The following MTUS2 variants were observed in gnomAD, a reference collection of about 807,000 sequenced individuals.
MTUS2 encodes the protein microtubule-associated tumor suppressor candidate 2.
Under a neutral mutation model 114.1 loss-of-function variants are expected in MTUS2, and 40 were observed. That is an observed-to-expected ratio of 0.35 (90% CI 0.27 to 0.46). The LOEUF (loss-of-function observed/expected upper bound fraction) is 0.46. MTUS2 is among the 20% of genes least tolerant of loss of function. The probability of loss-of-function intolerance (pLI) is 1.00; values close to 1 mark genes in which losing one functional copy is unlikely to be tolerated. For synonymous variants in MTUS2, 688 were observed against 672.0 expected, an observed-to-expected ratio of 1.02 and a Z score of -0.37; for missense variants, 1,679 against 1,705.4, an observed-to-expected ratio of 0.98 and a Z score of 0.27.
chr13:28,840,028 T>TC, intron 2 of MTUS2, among the ~76,000 whole-genome samples, 178 bp downstream of exon 2: 1 of 117,956 alleles, frequency 8.5e-6, no homozygotes, highest in Middle Eastern at 4.3e-3. Flanking sequence ...TATGAAAGCT[T>TC]AATTTTTTTT....
intron 2 of MTUS2, among the ~76,000 whole-genome samples, chr13:28,950,820 A>AATTCTCAC (rs1466593585): frequency 6.6e-6 from 1 of 152,238 alleles, no homozygotes; most frequent in Non-Finnish European, 1.5e-5. Context: ...AGAATTATCA[A>AATTCTCAC]AATGTGACAT....
At chr13:28,934,007 A>G (rs373184868) in intron 2 of MTUS2, among the ~76,000 whole-genome samples, 1 of 152,260 alleles carries the variant, frequency 6.6e-6, no homozygotes, top group African/African-American at 2.4e-5. Flanking sequence ...TAATTGCAAC[A>G]AATTCTGAAG....
intron 5 of MTUS2, among the ~76,000 whole-genome samples, chr13:29,261,658 A>G (rs1897475809): frequency 6.6e-6 from 1 of 152,214 alleles, no homozygotes; most frequent in Non-Finnish European, 1.5e-5. Flanking sequence ...ATTTTATACC[A>G]TATTAATAAC....
chr13:29,326,046 G>A lies in MTUS2; in HGVS notation c.2905+1335G>A, dbSNP rs141853037. Among the ~76,000 whole-genome samples, 41 of 152,308 alleles carry A rather than the reference G, an allele frequency of 2.7e-4. No homozygotes were observed. The East Asian group carries it at 4.8e-3, about 18-fold the overall frequency. On this transcript the variant is annotated intron_variant, in intron 7 of 15. Transcript: ENST00000612955. Reference sequence around the variant, plus strand: ...GTAAATGTGAAGGACAGGAGACAAAGCCTGGTAATTGGGTGAGAGATCTGA... The same window carrying A: ...GTAAATGTGAAGGACAGGAGACAAAACCTGGTAATTGGGTGAGAGATCTGA...
chr13:29,327,375 C>T (rs1374283588), intron 7 of MTUS2, among the ~76,000 whole-genome samples: 1 of 152,066 alleles, frequency 6.6e-6, no homozygotes, highest in East Asian at 1.9e-4. Flanking sequence ...TCCTGGGACC[C>T]CTTTGTCATA....
chr13:29,335,086 C>T lies in MTUS2; in HGVS notation c.2905+10375C>T, dbSNP rs376124410. Among the ~76,000 whole-genome samples the T allele has an allele frequency of 1.5e-3, 222 of 152,264 alleles. 1 individual carries two copies. Among genetic ancestry groups the T allele is most frequent in the African/African-American group, 5.1e-3 (210 of 41,530 alleles). ...AAAGTCTGGCTGCCTGTGGGCCAGG[C>T]GGAACAGAGCCATATTTCTCTTCTT... On this transcript the variant is annotated intron_variant, in intron 7 of 15. Transcript: ENST00000612955.
intron 8 of MTUS2, among the ~76,000 whole-genome samples, chr13:29,422,614 A>G (rs774080373): frequency 5.3e-5 from 8 of 151,396 alleles, no homozygotes; most frequent in Non-Finnish European, 8.8e-5. Flanking sequence ...AAATGTCCCA[A>G]ATTTCATAAG....
chr13:29,463,177 G>C (rs935158181), intron 9 of MTUS2, among the ~76,000 whole-genome samples: 4 of 152,238 alleles, frequency 2.6e-5, no homozygotes, highest in South Asian at 2.1e-4. Context: ...AGGTGGCCTC[G>C]AGGGGCTGGA....
chr13:29,096,546 C>T (rs1385190086), intron 4 of MTUS2, among the ~76,000 whole-genome samples: 1 of 152,144 alleles, frequency 6.6e-6, no homozygotes, highest in Non-Finnish European at 1.5e-5. Flanking sequence ...TATTATTTTG[C>T]TTCATGGAGC....
At chr13:29,107,711 A>C (rs1341419851) in intron 5 of MTUS2, among the ~76,000 whole-genome samples, 1 of 152,158 alleles carries the variant, frequency 6.6e-6, no homozygotes, top group Non-Finnish European at 1.5e-5. Context: ...GTTTTTAAAG[A>C]ATTGGGCTAA....
chr13:28,864,529 A>C (rs903411149), intron 2 of MTUS2, among the ~76,000 whole-genome samples: 1 of 152,244 alleles, frequency 6.6e-6, no homozygotes, highest in Non-Finnish European at 1.5e-5. Flanking sequence ...GTTAAAACAC[A>C]TTAAATTAAT....
chr13:28,971,797 A>C (rs1390638774), intron 2 of MTUS2, among the ~76,000 whole-genome samples: 2 of 152,204 alleles, frequency 1.3e-5, no homozygotes, highest in Non-Finnish European at 1.5e-5. Context: ...GACAGCACTT[A>C]CCCAAGGTCA....
At chr13:29,006,276 A>G (rs137912288) in intron 2 of MTUS2, among the ~76,000 whole-genome samples, 194 of 152,312 alleles carry the variant, frequency 1.3e-3, no homozygotes, top group African/African-American at 4.4e-3. Flanking sequence ...ACACATAAAA[A>G]CAAACAGCAA....
chr13:29,347,057 G>A (rs886821171), intron 7 of MTUS2, among the ~76,000 whole-genome samples: 11 of 151,774 alleles, frequency 7.2e-5, no homozygotes, highest in Non-Finnish European at 1.0e-4. Flanking sequence ...CAAAGGGTCC[G>A]TGGATTCTCT....
At chr13:29,172,247 CAT>C (rs1285084276) in intron 5 of MTUS2, among the ~76,000 whole-genome samples, 1 of 152,200 alleles carries the variant, frequency 6.6e-6, no homozygotes, top group African/African-American at 2.4e-5. Context: ...ATTTTTAAAG[CAT>C]GGATGCAGAA....
At chr13:29,228,796 C>T (rs1043592383) in intron 5 of MTUS2, among the ~76,000 whole-genome samples, 12 of 152,162 alleles carry the variant, frequency 7.9e-5, no homozygotes, top group South Asian at 2.1e-4. Context: ...TAAAATTAGA[C>T]GTGTGATATA....
At chr13:29,217,416 T>C (rs549398402) in intron 5 of MTUS2, among the ~76,000 whole-genome samples, 1 of 152,366 alleles carries the variant, frequency 6.6e-6, no homozygotes, top group Non-Finnish European at 1.5e-5. Context: ...CATTTTTGTT[T>C]TTCAGTGCAT....
chr13:29,047,549 T>C (rs1410457246), intron 4 of MTUS2, among the ~76,000 whole-genome samples: 1 of 150,434 alleles, frequency 6.6e-6, no homozygotes, highest in Admixed American at 6.6e-5. Flanking sequence ...AGTCTTGCTG[T>C]GTCGCTCAGG....
In MTUS2 at chr13:29,375,624, T is replaced by TA. The variant is rs1566163760; in HGVS notation, c.3117+16152dup. Reference sequence around the variant, plus strand: ...ATATATATACGTATATATATATATATATATATATATATATACACACACCAT... The same window carrying TA: ...ATATATATACGTATATATATATATATAATATATATATATATACACACACCAT... On this transcript the variant is annotated intron_variant, in intron 8 of 15. Coordinates refer to ENST00000612955, the MANE Select transcript of MTUS2 (RefSeq NM_001033602.4). 3.5e-3 allele frequency among the ~76,000 whole-genome samples: 139 copies of TA among 39,320 alleles called. 28 individuals carry two copies. Among genetic ancestry groups the TA allele is most frequent in the Middle Eastern group, 0.022 (2 of 90 alleles). The allele number at this position is 39,320 out of a possible 152,430, so 25.8% of individuals were successfully genotyped here.
Sources: gnomAD v4.1 joint callset for allele counts (sites outside exome capture counted in the v4.1 genomes callset) on GRCh38, gnomAD v4.1.1 for gene constraint, MANE v1.5 for transcripts, NCBI Gene and HGNC (gene_info 2026-07-23, HGNC 2026-07-21) for gene names.